The following CPNE4 variants were observed in gnomAD, a reference collection of about 807,000 sequenced individuals.
The protein encoded by CPNE4 is copine-4.
CPNE4 carries 25 observed loss-of-function variants against 67.9 expected under a neutral mutation model. The observed-to-expected ratio is 0.37, with a 90% CI of 0.27 to 0.51. The LOEUF (loss-of-function observed/expected upper bound fraction) is 0.51. Among genes scored for constraint, CPNE4 ranks in the 20% least tolerant of loss-of-function variants. The pLI is 0.93. For missense variants in CPNE4, 464 were observed against 690.8 expected (o/e 0.67, Z 3.68); for synonymous variants, 242 against 244.9 (o/e 0.99, Z 0.11).
At position 131,723,525 on chromosome 3, in the gene CPNE4, T is replaced by G; in HGVS notation, c.281A>C (p.Glu94Ala). The change falls in exon 3 of 16, where the codon GAA (glutamate) becomes GCA (alanine). Residue 94 changes from glutamate (E) to alanine (A), a missense_variant. By Grantham distance (107) the Glu-to-Ala change is moderately radical (BLOSUM62 -1). This residue lies in a region of CPNE4 where 170 missense variants were observed against 203.3 expected (regional missense o/e 0.84). Coordinates refer to ENST00000429747, the MANE Select transcript of CPNE4 (RefSeq NM_130808.3). ...YFEEVQRLRF[E>A]VHDISSNHNG... ...GTGGTTGCTGCTGATGTCATGGACT[T>G]CAAACCGCAGGCGCTGCACCTCCTC... The G allele has an allele frequency of 6.2e-7, 1 of 1,614,052 alleles. No homozygotes were observed. The highest frequency in any genetic ancestry group is 2.2e-5 in the East Asian group (1 of 44,884).
At chr3:131,814,810 T>C (rs1301460915) in intron 2 of CPNE4, among the ~76,000 whole-genome samples, 1 of 137,396 alleles carries the variant, frequency 7.3e-6, no homozygotes, top group African/African-American at 3.6e-5. Context: ...TTCACCGTTA[T>C]AGCCGGGATG....
At position 131,933,976 on chromosome 3, in the gene CPNE4, G is replaced by A. The variant is rs540908867; in HGVS notation, c.-1-28532C>T. On this transcript the variant is annotated intron_variant, in intron 1 of 15. Coordinates refer to ENST00000429747, the MANE Select transcript of CPNE4 (RefSeq NM_130808.3). ...ATGAAAAGTATTTTTTTAAAGAAAG[G>A]AAAAGTGGTTATGTGAATAGAACAT... 5.3e-5 allele frequency among the ~76,000 whole-genome samples: 8 copies of A among 152,138 alleles called. No individual in the cohort carries two copies. In the South Asian group the frequency reaches 1.7e-3, roughly 32 times the overall value.
At chr3:131,732,112 G>T (rs1461470067) in intron 2 of CPNE4, among the ~76,000 whole-genome samples, 2 of 152,052 alleles carry the variant, frequency 1.3e-5, no homozygotes, top group Admixed American at 6.6e-5. Flanking sequence ...CAGGAACCAG[G>T]GCTAGTGTGT....
chr3:131,822,325 C>A (rs974110962), intron 2 of CPNE4, among the ~76,000 whole-genome samples: 6 of 152,196 alleles, frequency 3.9e-5, no homozygotes, highest in Non-Finnish European at 7.3e-5. Flanking sequence ...TTCCCTAACT[C>A]AGTTTCCCTT....
At chr3:131,743,593 A>G (rs990791116) in intron 2 of CPNE4, among the ~76,000 whole-genome samples, 3 of 152,202 alleles carry the variant, frequency 2.0e-5, no homozygotes, top group Non-Finnish European at 4.4e-5. Context: ...CAGTGATGCA[A>G]AGAGAGTTAA....
At chr3:131,669,028 G>A (rs1453625126) in intron 7 of CPNE4, among the ~76,000 whole-genome samples, 2 of 152,050 alleles carry the variant, frequency 1.3e-5, no homozygotes, top group South Asian at 2.1e-4. Flanking sequence ...CTGAGCCTAG[G>A]CCCTAAAGAG....
chr3:131,853,460 A>C (rs1479717135), intron 2 of CPNE4, among the ~76,000 whole-genome samples: 1 of 151,912 alleles, frequency 6.6e-6, no homozygotes, highest in African/African-American at 2.4e-5. Context: ...TAGAACTATA[A>C]AATGTCAAGG....
chr3:131,765,794 A>G (rs539281491), intron 2 of CPNE4, among the ~76,000 whole-genome samples: 5 of 152,224 alleles, frequency 3.3e-5, no homozygotes, highest in Non-Finnish European at 5.9e-5. Flanking sequence ...AAGGATCGCT[A>G]CATCACCAAG....
chr3:131,795,901 T>C (rs1321618460), intron 2 of CPNE4, among the ~76,000 whole-genome samples: 1 of 152,214 alleles, frequency 6.6e-6, no homozygotes, highest in East Asian at 1.9e-4. Flanking sequence ...AGTCTGTTTT[T>C]GGCTCCTGGC....
chr3:131,601,024 T>C (rs958354513), intron 7 of CPNE4, among the ~76,000 whole-genome samples: 2 of 152,130 alleles, frequency 1.3e-5, no homozygotes, highest in African/African-American at 4.8e-5. Context: ...GTTAAAGAAG[T>C]CACTACCTTC....
chr3:131,550,151 A>G, intron 13 of CPNE4, 71 bp from the exon 14 acceptor site: 1 of 1,527,532 alleles, frequency 6.5e-7, no homozygotes, highest in East Asian at 2.3e-5. Flanking sequence ...AACACACACA[A>G]AAGTAAAGCA....
At chr3:131,978,139 A>AT (rs2072737268) in intron 1 of CPNE4, among the ~76,000 whole-genome samples, 1 of 81,008 alleles carries the variant, frequency 1.2e-5, no homozygotes, top group South Asian at 3.3e-4. Context: ...TATTTATATA[A>AT]ATATATATAA....
intron 8 of CPNE4, among the ~76,000 whole-genome samples, chr3:131,586,661 A>G (rs529610418): frequency 6.6e-6 from 1 of 152,322 alleles, no homozygotes; most frequent in Non-Finnish European, 1.5e-5. Context: ...GAAATTGGGC[A>G]GGTGAACAAT....
intron 2 of CPNE4, among the ~76,000 whole-genome samples, chr3:131,841,164 G>T (rs1583304204): frequency 6.6e-6 from 1 of 152,266 alleles, no homozygotes; most frequent in Middle Eastern, 3.4e-3. Flanking sequence ...GCAGAAAAAA[G>T]GATAGGGAAT....
At chr3:131,778,759 C>T (rs2083355679) in intron 2 of CPNE4, among the ~76,000 whole-genome samples, 1 of 152,046 alleles carries the variant, frequency 6.6e-6, no homozygotes, top group East Asian at 1.9e-4. Flanking sequence ...GGGGGATAGG[C>T]TCGCAGTTAC....
At chr3:131,999,397 C>A (rs1424754001) in intron 1 of CPNE4, among the ~76,000 whole-genome samples, 2 of 151,952 alleles carry the variant, frequency 1.3e-5, no homozygotes, top group African/African-American at 4.8e-5. Context: ...AATAAGCATG[C>A]AGTAACATAG....
intron 2 of CPNE4, among the ~76,000 whole-genome samples, chr3:131,830,306 G>C: frequency 6.6e-6 from 1 of 152,150 alleles, no homozygotes; most frequent in East Asian, 1.9e-4. Context: ...TCTCTTGCCT[G>C]TATTATTATA....
In CPNE4 at chr3:131,575,072, G is replaced by A; in HGVS notation, c.926C>T (p.Thr309Ile). The A allele has an allele frequency of 6.2e-7, 1 of 1,612,004 alleles. No individual in the cohort carries two copies. The highest frequency in any genetic ancestry group is 8.5e-7 in the Non-Finnish European group (1 of 1,178,466). The change falls in exon 10 of 16, where the codon ACA (threonine) becomes ATA (isoleucine). Residue 309 changes from threonine to isoleucine, a missense_variant and splice_region_variant. Physicochemically the swap from Thr to Ile is moderately conservative, Grantham distance 89. Around this residue, in one of 6 missense-constraint regions of CPNE4, gnomAD observed 201 missense variants for 357.7 expected, o/e 0.56. Coordinates refer to ENST00000429747, the MANE Select transcript of CPNE4 (RefSeq NM_130808.3). The part of the protein sequence containing the change: ...YIMGGCQIQF[T>I]VAIDFTASNG... ...GGAATCAACATGAAAACAACTTACT[G>A]TAAACTGGATTTGGCAGCCACCCAT...
rs1278302785 is a variant in CPNE4 at position 131,717,829 on chromosome 3, T to TCTTC, written c.360+5613_360+5616dup. On this transcript the variant is annotated intron_variant, in intron 3 of 15. Coordinates refer to ENST00000429747, the MANE Select transcript of CPNE4 (RefSeq NM_130808.3). ...TTATGGGGAATGCCAAAGTGATCTT[T>TCTTC]CTTCCTTCCTTCCTTCCTTCCTCGC... Among the ~76,000 whole-genome samples, 45 of 133,078 alleles carry TCTTC rather than the reference T, an allele frequency of 3.4e-4. 1 individual carries two copies. The highest frequency in any genetic ancestry group is 4.6e-4 in the Admixed American group (6 of 13,160). 87.3% of individuals were successfully genotyped at this position (133,078 alleles called of 152,430 possible). A position where few individuals can be genotyped will look rare whatever the true frequency, so the allele number is the denominator to read the frequency against.
Sources: gnomAD v4.1 joint callset for allele counts (sites outside exome capture counted in the v4.1 genomes callset) on GRCh38, gnomAD v4.1.1 for gene constraint, gnomAD v4.1.1 regional missense constraint, MANE v1.5 for transcripts, NCBI Gene and HGNC (gene_info 2026-07-23, HGNC 2026-07-21) for gene names.